Variants in TTBK2 observed in about 807,000 individuals in gnomAD.
TTBK2 encodes the protein tau-tubulin kinase 2.
A neutral mutation model predicts 110.8 loss-of-function variants in TTBK2; 28 were observed. The ratio of observed to expected loss-of-function variants is 0.25; its 90% CI spans 0.19 to 0.35. The LOEUF (loss-of-function observed/expected upper bound fraction) is 0.35, where lower values mean the gene tolerates loss of function less well. Ranked by LOEUF, TTBK2 falls within the 10% of genes least tolerant of loss-of-function variation. The probability of loss-of-function intolerance (pLI) is 1.00; values close to 1 mark genes in which losing one functional copy is unlikely to be tolerated. For missense variants in TTBK2, 1,369 were observed against 1,500.3 expected (o/e 0.91, Z 1.45); for synonymous variants, 532 against 527.3 (o/e 1.01, Z -0.12).
At chr15:42,816,945 T>TAA (rs1285316639) in intron 7 of TTBK2, 87 bp downstream of exon 7, 89 of 462,882 alleles carry the variant, frequency 1.9e-4, no homozygotes, top group African/African-American at 1.6e-3. Context: ...TATATATATA[T>TAA]AAAATAATAA....
chr15:42,795,085 G>C (rs1890875252), intron 9 of TTBK2, among the ~76,000 whole-genome samples: 1 of 152,286 alleles, frequency 6.6e-6, no homozygotes, highest in Non-Finnish European at 1.5e-5. Context: ...GATGTGTGTT[G>C]TGTGTAAGTG....
At chr15:42,820,339 G>A (rs1008845998) in intron 6 of TTBK2, among the ~76,000 whole-genome samples, 1 of 152,096 alleles carries the variant, frequency 6.6e-6, no homozygotes, top group Non-Finnish European at 1.5e-5. Flanking sequence ...ATAAACACTC[G>A]GGACAGGTAA....
At chr15:42,746,372 A>G in intron 14 of TTBK2, 115 bp from the exon 15 acceptor site, 3 of 812,470 alleles carry the variant, frequency 3.7e-6, no homozygotes, top group Non-Finnish European at 5.8e-6. Flanking sequence ...ATAGACTAAC[A>G]GGATACAGGG....
intron 4 of TTBK2, among the ~76,000 whole-genome samples, chr15:42,836,139 T>C (rs753204630): frequency 6.6e-6 from 1 of 151,986 alleles, no homozygotes; most frequent in Non-Finnish European, 1.5e-5. Flanking sequence ...GGCTAAGGTC[T>C]TGTAAGGGGA....
intron 9 of TTBK2, among the ~76,000 whole-genome samples, chr15:42,798,033 G>A (rs1438814962): frequency 2.0e-5 from 3 of 152,022 alleles, no homozygotes; most frequent in Admixed American, 6.6e-5. Context: ...ACAGGCACAC[G>A]CCACCATGCC....
chr15:42,862,705 A>G (rs1894207390), intron 3 of TTBK2, among the ~76,000 whole-genome samples: 1 of 152,124 alleles, frequency 6.6e-6, no homozygotes. Context: ...CCTGACCAAC[A>G]TGAAGAAACC....
At chr15:42,901,170 G>A (rs539051424) in intron 1 of TTBK2, among the ~76,000 whole-genome samples, 3 of 152,094 alleles carry the variant, frequency 2.0e-5, no homozygotes, top group South Asian at 2.1e-4. Flanking sequence ...AGACCAGCCC[G>A]GCCAACATGG....
chr15:42,783,641 T>C lies in TTBK2; in HGVS notation c.981-6A>G, dbSNP rs1411777594. ...TGGGAGTAGCATTGGCAATTCTACA[T>C]ATGAAGGGAGAAAAAAAAGGCAAGA... On this transcript the variant is annotated splice_region_variant and splice_polypyrimidine_tract_variant and intron_variant, in intron 10 of 14. Coordinates refer to ENST00000267890, the MANE Select transcript of TTBK2 (RefSeq NM_173500.4). 2 of 1,607,764 alleles carry C rather than the reference T, an allele frequency of 1.2e-6. No individual in the cohort carries two copies. The highest frequency in any genetic ancestry group is 1.7e-6 in the Non-Finnish European group (2 of 1,175,268).
intron 13 of TTBK2, among the ~76,000 whole-genome samples, chr15:42,762,986 A>C (rs954914822): frequency 6.7e-6 from 1 of 148,492 alleles, no homozygotes; most frequent in Admixed American, 6.8e-5. Flanking sequence ...GAACGGGGAG[A>C]TAGGGAAAGA....
intron 3 of TTBK2, among the ~76,000 whole-genome samples, chr15:42,851,641 T>C (rs1481946814): frequency 6.6e-6 from 1 of 152,054 alleles, no homozygotes; most frequent in Non-Finnish European, 1.5e-5. Flanking sequence ...TATATAAACA[T>C]ATGGATGATT....
At chr15:42,785,531 G>A (rs891811110) in intron 10 of TTBK2, among the ~76,000 whole-genome samples, 1 of 152,152 alleles carries the variant, frequency 6.6e-6, no homozygotes, top group African/African-American at 2.4e-5. Flanking sequence ...TTATACAGTT[G>A]ATATAGTTCA....
At chr15:42,817,303 TTTAA>T (rs1892081604) in intron 6 of TTBK2, among the ~76,000 whole-genome samples, 1 of 152,150 alleles carries the variant, frequency 6.6e-6, no homozygotes, top group Non-Finnish European at 1.5e-5. Flanking sequence ...CTGATAAAAT[TTTAA>T]TTTTCAGTCC....
chr15:42,802,845 C>T (rs1361635338), intron 9 of TTBK2, among the ~76,000 whole-genome samples: 3 of 152,180 alleles, frequency 2.0e-5, no homozygotes, highest in Non-Finnish European at 4.4e-5. Flanking sequence ...CTGGGGAAGG[C>T]AGACCCATCC....
At chr15:42,802,775 T>C (rs1891280063) in intron 9 of TTBK2, among the ~76,000 whole-genome samples, 1 of 152,180 alleles carries the variant, frequency 6.6e-6, no homozygotes, top group Non-Finnish European at 1.5e-5. Context: ...ATACAAAGTA[T>C]TGATCCTGGG....
At chr15:42,851,249 G>GAAA (rs761411827) in intron 3 of TTBK2, among the ~76,000 whole-genome samples, 1 of 100,208 alleles carries the variant, frequency 1.0e-5, no homozygotes, top group Admixed American at 1.0e-4. Flanking sequence ...CTCTGTCTCA[G>GAAA]AAAAAAAAAA....
Position 42,878,596 on chromosome 15 carries a change from G to A in TTBK2, c.22C>T (p.Leu8=), listed in dbSNP as rs1398268293. 3 of 1,612,870 alleles carry A rather than the reference G, an allele frequency of 1.9e-6. No individual in the cohort carries two copies. The highest frequency in any genetic ancestry group is 2.7e-5 in the African/African-American group (2 of 74,524). The change falls in exon 2 of 15, where the codon CTG becomes TTG. Residue 8 remains leucine (L), a synonymous_variant. Transcript: ENST00000267890. ...AGGATTCCAACACTCAGGATATCCAGCTGCTCTCCTCCCCCACTCATTGCA... is the reference window on the plus strand; with the variant it reads ...AGGATTCCAACACTCAGGATATCCAACTGCTCTCCTCCCCCACTCATTGCA... MSGGGEQ[L]DILSVGILVK... is the part of the protein sequence containing the mutation.
At chr15:42,839,918 C>T (rs1286103190) in intron 4 of TTBK2, among the ~76,000 whole-genome samples, 21 of 152,092 alleles carry the variant, frequency 1.4e-4, no homozygotes, top group Admixed American at 1.4e-3. Flanking sequence ...AGATATGGGT[C>T]CCTAGATCTT....
Position 42,855,873 on chromosome 15 carries a change from G to A in TTBK2, c.218-15440C>T, listed in dbSNP as rs558315401. Among the ~76,000 whole-genome samples, 54 of 152,182 alleles carry A rather than the reference G, an allele frequency of 3.5e-4. 1 individual carries two copies. Among genetic ancestry groups the A allele is most frequent in the Admixed American group, 2.2e-3 (34 of 15,276 alleles). On this transcript the variant is annotated intron_variant, in intron 3 of 14. Transcript: ENST00000267890. The stretch of plus-strand genomic sequence containing the variant: ...CTAATTTTTTTGTATTAGTAGAGAC[G>A]GGGTTTCACCGTGTTAGCCAGGATG...
chr15:42,793,620 A>T (rs565607401), intron 10 of TTBK2, among the ~76,000 whole-genome samples: 3 of 152,270 alleles, frequency 2.0e-5, no homozygotes, highest in African/African-American at 7.2e-5. Flanking sequence ...AGAACAAGAC[A>T]GGCAGATCAC....
Sources: gnomAD v4.1 joint callset for allele counts (sites outside exome capture counted in the v4.1 genomes callset) on GRCh38, gnomAD v4.1.1 for gene constraint, MANE v1.5 for transcripts, NCBI Gene and HGNC (gene_info 2026-07-23, HGNC 2026-07-21) for gene names.